Variants in RBFOX2 observed in about 807,000 individuals in gnomAD.
RBFOX2 encodes RNA binding fox-1 homolog 2, also known as RNA binding protein fox-1 homolog 2.
In RBFOX2, 10 loss-of-function variants were observed where a neutral mutation model predicts 49.1. That is an observed-to-expected ratio of 0.20 (90% CI 0.13 to 0.35). The LOEUF (loss-of-function observed/expected upper bound fraction) is 0.35. Ranked by LOEUF, RBFOX2 falls within the 10% of genes least tolerant of loss-of-function variation. RBFOX2 has a pLI of 1.00. For synonymous variants in RBFOX2, 183 were observed against 187.4 expected (o/e 0.98, Z 0.19); for missense variants, 323 against 486.9 (o/e 0.66, Z 3.17).
At chr22:35,955,280 T>C (rs980197436) in intron 1 of RBFOX2, among the ~76,000 whole-genome samples, 1 of 152,250 alleles carries the variant, frequency 6.6e-6, no homozygotes, top group African/African-American at 2.4e-5. Flanking sequence ...TCTGTGGTTA[T>C]AACTACTGCG....
At chr22:36,025,462 C>T (rs2059396144) in intron 1 of RBFOX2, among the ~76,000 whole-genome samples, 1 of 152,160 alleles carries the variant, frequency 6.6e-6, no homozygotes, top group Non-Finnish European at 1.5e-5. Flanking sequence ...TATTAGATGT[C>T]TCTTTCCATT....
chr22:35,850,190 T>TCTCACA, intron 1 of RBFOX2, among the ~76,000 whole-genome samples: 1 of 34,496 alleles, frequency 2.9e-5, no homozygotes, highest in African/African-American at 1.1e-4. Context: ...TGTCTCTCTC[T>TCTCACA]CATACACACA....
At chr22:35,932,698 T>C (rs1003290335) in intron 1 of RBFOX2, among the ~76,000 whole-genome samples, 1 of 152,120 alleles carries the variant, frequency 6.6e-6, no homozygotes, top group African/African-American at 2.4e-5. Flanking sequence ...CTGGCCAACA[T>C]GGCAAAACAC....
intron 2 of RBFOX2, among the ~76,000 whole-genome samples, 191 bp downstream of exon 3, chr22:35,809,589 G>A (rs1202401506): frequency 2.0e-5 from 3 of 152,120 alleles, no homozygotes; most frequent in Non-Finnish European, 2.9e-5. Context: ...GGGAGAGCTC[G>A]AAAAGCCAAG....
intron 4 of RBFOX2, among the ~76,000 whole-genome samples, chr22:35,770,693 T>G (rs1285364813): frequency 6.6e-6 from 1 of 152,182 alleles, no homozygotes; most frequent in Non-Finnish European, 1.5e-5. Context: ...TTCTGAAATG[T>G]GTTGAAAGAA....
chr22:35,900,994 T>C (rs1449102395), intron 1 of RBFOX2, among the ~76,000 whole-genome samples: 1 of 152,212 alleles, frequency 6.6e-6, no homozygotes, highest in Non-Finnish European at 1.5e-5. Flanking sequence ...TCCCACTTGC[T>C]GGTTTCAATG....
At chr22:35,781,269 A>C (rs1391586400) in intron 3 of RBFOX2, among the ~76,000 whole-genome samples, 1 of 152,184 alleles carries the variant, frequency 6.6e-6, no homozygotes, top group African/African-American at 2.4e-5. Context: ...GATGAAACTA[A>C]GCATATTATT....
At chr22:35,753,506 G>C (rs1439378216) in intron 9 of RBFOX2, among the ~76,000 whole-genome samples, 1 of 151,768 alleles carries the variant, frequency 6.6e-6, no homozygotes, top group Non-Finnish European at 1.5e-5. Context: ...TAAGAACTAA[G>C]AAATAATAAC....
chr22:36,018,491 G>A (rs186850547), intron 1 of RBFOX2, among the ~76,000 whole-genome samples: 7 of 152,310 alleles, frequency 4.6e-5, no homozygotes, highest in Admixed American at 1.3e-4. Flanking sequence ...TGGACTTGGA[G>A]GTGGAATGTG....
intron 1 of RBFOX2, among the ~76,000 whole-genome samples, chr22:35,852,062 T>TAA (rs68083039): frequency 5.3e-5 from 8 of 151,434 alleles, no homozygotes; most frequent in East Asian, 1.9e-4. Flanking sequence ...TGAAAAGCAA[T>TAA]AAAAAAAACC....
chr22:36,011,404 A>G (rs1411022708), intron 1 of RBFOX2, among the ~76,000 whole-genome samples: 1 of 152,206 alleles, frequency 6.6e-6, no homozygotes, highest in Non-Finnish European at 1.5e-5. Context: ...GTCCTGTACT[A>G]ATCAGTCATC....
intron 1 of RBFOX2, chr22:35,992,226 C>G (rs753691077): frequency 1.3e-5 from 2 of 152,022 alleles, no homozygotes; most frequent in Non-Finnish European, 2.9e-5. Context: ...AGAGGGAACG[C>G]AAAGAAATAA....
At chr22:35,829,526 A>G (rs1956402692) in intron 1 of RBFOX2, among the ~76,000 whole-genome samples, 1 of 152,030 alleles carries the variant, frequency 6.6e-6, no homozygotes, top group Non-Finnish European at 1.5e-5. Flanking sequence ...AAAAAAAGGT[A>G]AGTACATTTG....
upstream of RBFOX2, among the ~76,000 whole-genome samples, chr22:35,964,678 T>C (rs778548481): frequency 2.0e-5 from 3 of 152,154 alleles, no homozygotes; most frequent in African/African-American, 4.8e-5. Flanking sequence ...ATTCCACATA[T>C]AGAACCAGAG....
At position 35,984,471 on chromosome 22, in the gene RBFOX2, T is replaced by C. The variant is rs566819160; in HGVS notation, c.186+43769A>G. Among the ~76,000 whole-genome samples the C allele has an allele frequency of 8.4e-4, 128 of 152,308 alleles. 1 individual carries two copies. The highest frequency in any genetic ancestry group is 1.4e-4 in the African/African-American group (6 of 41,570). ...AGTGTGTTGCTAGACTGAAGGCACA[T>C]TGGAACCATACCCTTGTTTCACATC... On this transcript the variant is annotated intron_variant, in intron 1 of 13. Coordinates refer to the RBFOX2 transcript ENST00000438146.
chr22:35,981,597 ATGCCAC>A (rs1231016996), intron 1 of RBFOX2, among the ~76,000 whole-genome samples: 1 of 151,516 alleles, frequency 6.6e-6, no homozygotes, highest in Non-Finnish European at 1.5e-5. Flanking sequence ...AGCCAAGATC[ATGCCAC>A]TGCACTTCAG....
At chr22:35,961,595 C>G (rs189545561) in exon 1 of RBFOX2, 1 of 1,304,198 alleles carries the variant, frequency 7.7e-7, no homozygotes, top group South Asian at 1.2e-5. Context: ...TCCATGGAAT[C>G]TGATGACATC....
intron 1 of RBFOX2, among the ~76,000 whole-genome samples, chr22:35,937,446 T>G (rs193133094): frequency 2.0e-5 from 3 of 152,190 alleles, no homozygotes; most frequent in African/African-American, 7.2e-5. Context: ...TCCCGATGCC[T>G]TATCTGGGGC....
At chr22:35,906,881 A>C (rs1306329271) in intron 1 of RBFOX2, among the ~76,000 whole-genome samples, 4 of 152,210 alleles carry the variant, frequency 2.6e-5, no homozygotes, top group Admixed American at 2.6e-4. Context: ...CATTTCCAAC[A>C]AACTAATCAA....
Sources: allele counts gnomAD v4.1 joint callset (sites outside exome capture counted in the v4.1 genomes callset), GRCh38; gene constraint gnomAD v4.1.1; transcripts MANE v1.5; gene names NCBI Gene and HGNC (gene_info 2026-07-23, HGNC 2026-07-21).